The following C10orf90 variants were observed in gnomAD, a reference collection of about 807,000 sequenced individuals.
C10orf90 encodes the protein chromosome 10 open reading frame 90.
In C10orf90, 56 loss-of-function variants were observed where a neutral mutation model predicts 62.5. The ratio of observed to expected loss-of-function variants is 0.90; its 90% CI spans 0.72 to 1.12. The LOEUF (loss-of-function observed/expected upper bound fraction) is 1.12, where lower values mean the gene tolerates loss of function less well. Ranked by LOEUF, C10orf90 falls within the 50% of genes most tolerant of loss-of-function variation. The pLI is 0.00. For synonymous variants in C10orf90, 386 were observed against 340.4 expected, an observed-to-expected ratio of 1.13 and a Z score of -1.47; for missense variants, 970 against 880.4, an observed-to-expected ratio of 1.10 and a Z score of -1.29.
chr10:126,532,706 G>A (rs1050148457), intron 2 of C10orf90, among the ~76,000 whole-genome samples: 2 of 150,192 alleles, frequency 1.3e-5, no homozygotes, highest in Non-Finnish European at 3.0e-5. Flanking sequence ...GCATGGTGGC[G>A]GGTGCCTGTA....
intron 4 of C10orf90, among the ~76,000 whole-genome samples, chr10:126,477,198 T>G (rs901075666): frequency 2.7e-5 from 4 of 146,144 alleles, no homozygotes; most frequent in African/African-American, 1.0e-4. Context: ...GTTGTTTTAT[T>G]TAAGCTCACA....
At chr10:126,481,623 A>G (rs1419123163) in intron 4 of C10orf90, among the ~76,000 whole-genome samples, 3 of 152,140 alleles carry the variant, frequency 2.0e-5, no homozygotes, top group African/African-American at 4.8e-5. Context: ...CCTGGCTCCC[A>G]CTAGCTGGGC....
chr10:126,598,039 T>A (rs945606131), intron 2 of C10orf90, among the ~76,000 whole-genome samples: 19 of 152,210 alleles, frequency 1.2e-4, no homozygotes, highest in African/African-American at 4.6e-4. Flanking sequence ...AAATGCCTCG[T>A]GGGCATCCAG....
intron 2 of C10orf90, among the ~76,000 whole-genome samples, chr10:126,530,887 G>A (rs1004666716): frequency 6.6e-6 from 1 of 152,016 alleles, no homozygotes; most frequent in African/African-American, 2.4e-5. Flanking sequence ...GAAAATTACA[G>A]ATCAGGCCAG....
chr10:126,539,450 C>T (rs1381978467), intron 2 of C10orf90, among the ~76,000 whole-genome samples: 6 of 152,114 alleles, frequency 3.9e-5, no homozygotes, highest in African/African-American at 1.4e-4. Context: ...GTGAAGCTTT[C>T]ATATCAAAGA....
At chr10:126,442,675 A>C (rs1444184799) in intron 7 of C10orf90, among the ~76,000 whole-genome samples, 1 of 124,416 alleles carries the variant, frequency 8.0e-6, no homozygotes, top group Non-Finnish European at 1.7e-5. Flanking sequence ...ATATATATAT[A>C]TAGAACATTT....
chr10:126,544,680 G>A (rs1271717175), intron 2 of C10orf90, among the ~76,000 whole-genome samples: 2 of 152,028 alleles, frequency 1.3e-5, no homozygotes, highest in African/African-American at 4.8e-5. Context: ...AAGAAACTAC[G>A]AAGCCACCAG....
intron 2 of C10orf90, among the ~76,000 whole-genome samples, chr10:126,631,502 T>A (rs569377737): frequency 6.6e-6 from 1 of 152,110 alleles, no homozygotes; most frequent in South Asian, 2.1e-4. Context: ...GTTGCAGTAA[T>A]TTTGCTTGTT....
intron 2 of C10orf90, among the ~76,000 whole-genome samples, chr10:126,584,199 AATCTGTCC>A (rs930244681): frequency 6.6e-5 from 10 of 152,002 alleles, no homozygotes; most frequent in Non-Finnish European, 8.8e-5. Context: ...TCTGCCTGTC[AATCTGTCC>A]ATCTGTCCAT....
At chr10:126,642,376 C>CA (rs569664278) in intron 2 of C10orf90, among the ~76,000 whole-genome samples, 1 of 151,934 alleles carries the variant, frequency 6.6e-6, no homozygotes, top group Non-Finnish European at 1.5e-5. Context: ...ACTAAAAATA[C>CA]AAAAAATTAG....
intron 4 of C10orf90, among the ~76,000 whole-genome samples, chr10:126,486,071 C>T (rs1241039075): frequency 6.6e-6 from 1 of 152,286 alleles, no homozygotes; most frequent in East Asian, 1.9e-4. Flanking sequence ...ATCCAACTGC[C>T]TTGGGGGCCA....
chr10:126,532,314 T>C (rs953314722), intron 2 of C10orf90, among the ~76,000 whole-genome samples: 2 of 152,138 alleles, frequency 1.3e-5, no homozygotes, highest in Non-Finnish European at 2.9e-5. Flanking sequence ...ATTGTAAATG[T>C]GATCGTCTAA....
At chr10:126,520,321 G>C (rs538585682) in intron 2 of C10orf90, 1 of 150,918 alleles carries the variant, frequency 6.6e-6, no homozygotes, top group South Asian at 2.1e-4. Flanking sequence ...AAGGCCACAT[G>C]GTCCTCCAAA....
intron 4 of C10orf90, among the ~76,000 whole-genome samples, chr10:126,473,912 C>T (rs896133404): frequency 2.0e-5 from 3 of 151,976 alleles, no homozygotes; most frequent in Admixed American, 6.6e-5. Flanking sequence ...GATGCTACTG[C>T]TCCAGGAACC....
At chr10:126,499,794 C>G (rs7100352) in intron 4 of C10orf90, among the ~76,000 whole-genome samples, 4 of 152,106 alleles carry the variant, frequency 2.6e-5, no homozygotes, top group African/African-American at 9.7e-5. Flanking sequence ...AGAACGCGAA[C>G]GCAAATAGAT....
chr10:126,526,358 C>A (rs1863945024), intron 2 of C10orf90, among the ~76,000 whole-genome samples: 1 of 151,880 alleles, frequency 6.6e-6, no homozygotes, highest in African/African-American at 2.4e-5. Flanking sequence ...CATTCTCCTG[C>A]CTCAGCCTCC....
At chr10:126,643,066 A>C (rs1846097175) in intron 2 of C10orf90, among the ~76,000 whole-genome samples, 1 of 152,224 alleles carries the variant, frequency 6.6e-6, no homozygotes, top group African/African-American at 2.4e-5. Context: ...GGAATATCAC[A>C]ACAGAGTTGT....
At chr10:126,652,649 G>A (rs979950191) in intron 1 of C10orf90, among the ~76,000 whole-genome samples, 3 of 152,138 alleles carry the variant, frequency 2.0e-5, no homozygotes, top group East Asian at 3.9e-4. Context: ...AGGTATAAGC[G>A]AGAGCAGCAA....
At chr10:126,577,941 A>G (rs190521846) in intron 2 of C10orf90, among the ~76,000 whole-genome samples, 1 of 152,228 alleles carries the variant, frequency 6.6e-6, no homozygotes, top group Admixed American at 6.5e-5. Flanking sequence ...ATGAGAGAAA[A>G]ATGTATCTGG....
Sources: allele counts gnomAD v4.1 joint callset (sites outside exome capture counted in the v4.1 genomes callset), GRCh38; gene constraint gnomAD v4.1.1; transcripts MANE v1.5; gene names NCBI Gene and HGNC (gene_info 2026-07-23, HGNC 2026-07-21).